Variants in PISD observed in about 807,000 individuals in gnomAD.
The protein encoded by PISD is phosphatidylserine decarboxylase proenzyme, mitochondrial.
PISD carries 31 observed loss-of-function variants against 43.5 expected under a neutral mutation model. That is an observed-to-expected ratio of 0.71 (90% CI 0.54 to 0.96). PISD has a LOEUF of 0.96. Among genes scored for constraint, PISD ranks in the 40% least tolerant of loss-of-function variants. The pLI, the probability that PISD is intolerant of heterozygous loss-of-function variation, is 0.00. For missense variants in PISD, 523 were observed against 548.4 expected (o/e 0.95, Z 0.46); for synonymous variants, 259 against 228.7 (o/e 1.13, Z -1.20).
chr22:31,627,004 C>T (rs573329875), intron 3 of PISD, among the ~76,000 whole-genome samples: 13 of 152,396 alleles, frequency 8.5e-5, no homozygotes, highest in Non-Finnish European at 1.0e-4. Context: ...ACTCAGACAT[C>T]GCTGTGGTCG....
intron 1 of PISD, among the ~76,000 whole-genome samples, chr22:31,656,880 C>T (rs570220582): frequency 4.6e-5 from 7 of 152,206 alleles, no homozygotes; most frequent in Admixed American, 4.6e-4. Context: ...TCATTTAGTT[C>T]TCTGCTCAAA....
Position 31,630,571 on chromosome 22 carries a change from G to A in PISD, c.322-8686C>T, listed in dbSNP as rs1005809399. ...TGGAGGAAGTGAGCTCACGCAGCCCGGGCCGTGCCCACGTGGGGACGGAAA... is the reference window on the plus strand; with the variant it reads ...TGGAGGAAGTGAGCTCACGCAGCCCAGGCCGTGCCCACGTGGGGACGGAAA... On this transcript the variant is annotated intron_variant, in intron 3 of 7. Coordinates refer to ENST00000439502, the MANE Select transcript of PISD (RefSeq NM_001326411.2). The surrounding 1 kb of genome is among the most constrained non-coding windows in gnomAD (Gnocchi z 4.4). The A allele has an allele frequency of 8.1e-6, 2 of 247,684 alleles. No individual in the cohort carries two copies. The highest frequency in any genetic ancestry group is 1.3e-5 in the Non-Finnish European group (2 of 155,364). 15.3% of individuals were successfully genotyped at this position (247,684 alleles called of 1,614,324 possible).
At chr22:31,638,344 C>T (rs2073578211) in intron 3 of PISD, 2 of 985,154 alleles carry the variant, frequency 2.0e-6, no homozygotes, top group South Asian at 9.4e-5. Flanking sequence ...GCTGTCAAGC[C>T]CCTGCCCCAT....
At chr22:31,660,058 C>T (rs1278018072) in intron 1 of PISD, among the ~76,000 whole-genome samples, 1 of 152,126 alleles carries the variant, frequency 6.6e-6, no homozygotes, top group African/African-American at 2.4e-5. Context: ...TCACACATCA[C>T]CCAGTTATTG....
At chr22:31,624,512 C>A (rs954051512) in intron 3 of PISD, among the ~76,000 whole-genome samples, 3 of 152,160 alleles carry the variant, frequency 2.0e-5, no homozygotes, top group African/African-American at 4.8e-5. Flanking sequence ...CCTACCACCA[C>A]CACACAGCTA....
chr22:31,637,159 AAAAAAATATATATATATAT>A (rs1230740511), intron 3 of PISD, among the ~76,000 whole-genome samples: 373 of 27,654 alleles, frequency 0.013, 2 homozygotes, highest in South Asian at 0.062. Context: ...AAAAAAAAAA[AAAAAAATATATATATATAT>A]ATATATATAT....
In PISD at chr22:31,621,362, C is replaced by T; in HGVS notation, c.669G>A (p.Met223Ile). The T allele has an allele frequency of 6.2e-7, 1 of 1,614,084 alleles. No individual in the cohort carries two copies. Among genetic ancestry groups the T allele is most frequent in the African/African-American group, 1.3e-5 (1 of 75,052 alleles). Residue 223 changes from methionine to isoleucine, a missense_variant, in exon 5 of 8, where the codon ATG becomes ATA. Transcript: ENST00000439502. ...YSLESFLGPR[M>I]CTEDLPFPPA... ...GTGGGAAGGGCAGGTCCTCTGTGCA[C>T]ATACGCGGGCCCAGGAACGACTCCA...
At chr22:31,644,242 CTTTT>C (rs571185716) in intron 3 of PISD, among the ~76,000 whole-genome samples, 1 of 139,164 alleles carries the variant, frequency 7.2e-6, no homozygotes, top group Non-Finnish European at 1.6e-5. Context: ...ATAATTTTTT[CTTTT>C]TTTTTTTTTT....
intron 7 of PISD, 50 bp from the exon 8 acceptor site, chr22:31,619,886 G>A: frequency 8.1e-7 from 1 of 1,228,464 alleles, no homozygotes. Context: ...CAAGTGCACA[G>A]TGTCACCCCC....
rs958754921 is a variant in PISD at position 31,662,160 on chromosome 22, C to T, written c.49G>A (p.Ala17Thr). 1.9e-6 allele frequency: 3 copies of T among 1,607,052 alleles called. No homozygotes were observed. The African/African-American group carries it at 4.0e-5, about 21-fold the overall frequency. Reference sequence around the variant, plus strand: ...CTGCTATACCTGCTCCGCCACGGCGCGACCCCGTGCAGTAATCCCAGACAT... The same window carrying T: ...CTGCTATACCTGCTCCGCCACGGCGTGACCCCGTGCAGTAATCCCAGACAT... ...HRCLGLLHGV[A>T]PWRSSLHPCE... The change falls in exon 1 of 8, where the codon GCG (alanine) becomes ACG (threonine). Residue 17 changes from alanine (A) to threonine (T), a missense_variant. Coordinates refer to ENST00000439502, the MANE Select transcript of PISD (RefSeq NM_001326411.2).
At position 31,656,899 on chromosome 22, in the gene PISD, C is replaced by T. The variant is rs539036146; in HGVS notation, c.65+5245G>A. ...TTAGTTCTCTGCTCAAATGTTACCTCCTCAGTGCAGTTTTTCCTGAGCACT... is the reference window on the plus strand; with the variant it reads ...TTAGTTCTCTGCTCAAATGTTACCTTCTCAGTGCAGTTTTTCCTGAGCACT... On this transcript the variant is annotated intron_variant, in intron 1 of 7. Coordinates refer to ENST00000439502, the MANE Select transcript of PISD (RefSeq NM_001326411.2). 6.2e-4 allele frequency among the ~76,000 whole-genome samples: 95 copies of T among 152,260 alleles called. 1 individual carries two copies. Among genetic ancestry groups the T allele is most frequent in the African/African-American group, 2.0e-3 (85 of 41,564 alleles).
intron 3 of PISD, chr22:31,623,753 G>C (rs771678477): frequency 6.2e-7 from 1 of 1,614,196 alleles, no homozygotes; most frequent in Non-Finnish European, 8.5e-7. Flanking sequence ...GGTAGTAGAG[G>C]ACGGTCAAGG....
rs544013294 is a variant in PISD at position 31,625,745 on chromosome 22, C to T, written c.322-3860G>A. 77 of 1,572,192 alleles carry T rather than the reference C, an allele frequency of 4.9e-5. 1 individual carries two copies. In the East Asian group the frequency reaches 1.4e-3, roughly 29 times the overall value. ...GGCGGGGAACCGTGGGGTTAGGGCG[C>T]GGTGGGCAGCATCTCACCATTTCGC... On this transcript the variant is annotated intron_variant, in intron 3 of 7. Transcript: ENST00000439502.
intron 7 of PISD, 102 bp from the exon 8 acceptor site, chr22:31,619,938 C>A (rs2072408836): frequency 1.3e-6 from 1 of 763,376 alleles, no homozygotes; most frequent in Admixed American, 2.6e-5. Context: ...CTTGTCCCCA[C>A]CACCACCCAA....
chr22:31,662,176 T>A lies in PISD; in HGVS notation c.33A>T (p.Gly11=). The A allele has an allele frequency of 6.2e-7, 1 of 1,606,350 alleles. No homozygotes were observed. Among genetic ancestry groups the A allele is most frequent in the South Asian group, 1.1e-5 (1 of 91,086 alleles). MATSVGHRCL[G]LLHGVAPWRS... ...GCCACGGCGCGACCCCGTGCAGTAA[T>A]CCCAGACATCGGTGCCCCACGGACG... Residue 11 remains glycine (G), a synonymous_variant, in exon 1 of 8, where the codon GGA becomes GGT. Transcript: ENST00000439502.
Position 31,619,482 on chromosome 22 carries a change from C to A in PISD, c.*130G>T. On this transcript the variant is annotated 3_prime_UTR_variant, in exon 8 of 8. Coordinates refer to ENST00000439502, the MANE Select transcript of PISD (RefSeq NM_001326411.2). ...CAGGTGGTAGCCGAATCATTCAAGT[C>A]CTACCTGGTCAGACTCCCAACCACG... 1 of 728,968 alleles carries A rather than the reference C, an allele frequency of 1.4e-6. No individual in the cohort carries two copies. The highest frequency in any genetic ancestry group is 1.5e-5 in the South Asian group (1 of 67,292). 45.2% of individuals were successfully genotyped at this position (728,968 alleles called of 1,614,324 possible). A position where few individuals can be genotyped will look rare whatever the true frequency, so the allele number is the denominator to read the frequency against.
chr22:31,643,223 T>C (rs1281066118), intron 3 of PISD, among the ~76,000 whole-genome samples: 1 of 152,170 alleles, frequency 6.6e-6, no homozygotes, highest in Non-Finnish European at 1.5e-5. Flanking sequence ...ATGTCCCCTG[T>C]TTTCCAACAT....
chr22:31,622,797 G>A (rs1418348754), intron 3 of PISD, among the ~76,000 whole-genome samples: 1 of 152,164 alleles, frequency 6.6e-6, no homozygotes, highest in African/African-American at 2.4e-5. Flanking sequence ...CCCAGGAAGG[G>A]GCAGCCTCTT....
intron 3 of PISD, chr22:31,628,991 G>A: frequency 5.1e-6 from 5 of 985,434 alleles, no homozygotes; most frequent in Non-Finnish European, 6.0e-6. Context: ...CCTGTGAATA[G>A]GAAACAATGG....
Sources: allele counts gnomAD v4.1 joint callset (sites outside exome capture counted in the v4.1 genomes callset), GRCh38; gene constraint gnomAD v4.1.1; non-coding constraint Gnocchi (gnomAD v3.1); transcripts MANE v1.5; gene names NCBI Gene and HGNC (gene_info 2026-07-23, HGNC 2026-07-21).